The following DLG4 variants were observed in gnomAD, a reference collection of about 807,000 sequenced individuals.
DLG4 encodes disks large homolog 4.
DLG4 carries 7 observed loss-of-function variants against 93.8 expected under a neutral mutation model. The ratio of observed to expected loss-of-function variants is 0.07; its 90% CI spans 0.04 to 0.14. The LOEUF (loss-of-function observed/expected upper bound fraction) is 0.14. Ranked by LOEUF, DLG4 falls within the 10% of genes least tolerant of loss-of-function variation. The pLI, the probability that DLG4 is intolerant of heterozygous loss-of-function variation, is 1.00. For synonymous variants in DLG4, 341 were observed against 387.6 expected, an observed-to-expected ratio of 0.88 and a Z score of 1.41; for missense variants, 545 against 992.9, an observed-to-expected ratio of 0.55 and a Z score of 6.06.
At chr17:7,202,606 C>T in intron 8 of DLG4, 1 of 482,668 alleles carries the variant, frequency 2.1e-6, no homozygotes, top group Non-Finnish European at 3.7e-6. Flanking sequence ...AATCTTTTAT[C>T]TTTTCCTGTA....
intron 1 of DLG4, among the ~76,000 whole-genome samples, chr17:7,213,047 A>G (rs1384824191): frequency 1.3e-5 from 2 of 151,466 alleles, no homozygotes; most frequent in African/African-American, 4.9e-5. Context: ...ATTAATAATT[A>G]ATTAATTAAA....
At chr17:7,197,495 TG>T (rs1035985898) in intron 8 of DLG4, among the ~76,000 whole-genome samples, 7 of 151,882 alleles carry the variant, frequency 4.6e-5, no homozygotes, top group Admixed American at 2.6e-4. Context: ...GAAATTCTTT[TG>T]TTTTTTTGGG....
chr17:7,217,709 C>G (rs1310419631), upstream of DLG4: 1 of 1,533,860 alleles, frequency 6.5e-7, no homozygotes, highest in Non-Finnish European at 8.7e-7. Context: ...TCCTTCTGTG[C>G]TGGCAGGAAC....
At chr17:7,200,416 A>C (rs185572998) in intron 8 of DLG4, among the ~76,000 whole-genome samples, 207 of 152,194 alleles carry the variant, frequency 1.4e-3, no homozygotes, top group African/African-American at 4.7e-3. Flanking sequence ...TTTCTTGTCA[A>C]GTTTCTATTT....
At chr17:7,202,684 G>A (rs1351810461) in intron 8 of DLG4, 1 of 598,822 alleles carries the variant, frequency 1.7e-6, no homozygotes, top group African/African-American at 1.9e-5. Context: ...AACCAACCAG[G>A]CTTTGTGCCT....
At chr17:7,211,558 C>A in intron 1 of DLG4, 1 of 404,436 alleles carries the variant, frequency 2.5e-6, no homozygotes, top group Non-Finnish European at 3.3e-6. Context: ...AGACCCCGCA[C>A]CAAGCAGAAG....
intron 1 of DLG4, chr17:7,214,025 A>T: frequency 2.9e-6 from 1 of 346,274 alleles, no homozygotes; most frequent in Admixed American, 3.8e-5. Context: ...CCCATCCCCC[A>T]TTTCCCTTTT....
Position 7,190,347 on chromosome 17 carries a change from G to T in DLG4, c.*361C>A. The T allele has an allele frequency of 3.3e-6, 1 of 298,912 alleles. No homozygotes were observed. The highest frequency in any genetic ancestry group is 4.5e-5 in the South Asian group (1 of 22,114). The allele number at this position is 298,912 out of a possible 1,614,324, so 18.5% of individuals were successfully genotyped here. On this transcript the variant is annotated 3_prime_UTR_variant, in exon 20 of 20. Coordinates refer to ENST00000399506, the MANE Select transcript of DLG4 (RefSeq NM_001321075.3). ...CATCCCTGCAGCGGGTGCTCCTCGA[G>T]GGGGCCCTGACTTCTGGAATGTGTG...
At chr17:7,204,934 G>A (rs1437216035) in intron 2 of DLG4, 3 of 984,716 alleles carry the variant, frequency 3.0e-6, no homozygotes, top group South Asian at 4.7e-5. Flanking sequence ...GTCAAGACCC[G>A]GGGAGACCCA....
At chr17:7,217,978 G>A (rs992858294), upstream of DLG4, among the ~76,000 whole-genome samples, 7 of 151,924 alleles carry the variant, frequency 4.6e-5, no homozygotes, top group African/African-American at 1.2e-4. Flanking sequence ...TCTCCCTCAG[G>A]TTTCTCAGGG....
Position 7,217,370 on chromosome 17 carries a change from A to C in DLG4, c.-223T>G. The C allele has an allele frequency of 1.4e-5, 1 of 72,390 alleles. No individual in the cohort carries two copies. The highest frequency in any genetic ancestry group is 2.1e-5 in the Non-Finnish European group (1 of 46,612). The allele number at this position is 72,390 out of a possible 1,614,324, so 4.5% of individuals were successfully genotyped here. A position where few individuals can be genotyped will look rare whatever the true frequency, so the allele number is the denominator to read the frequency against. Reference sequence around the variant, plus strand: ...GGCCCTAAAAGGGGCTCCCCAGTGGAGGGGAGGGGGCTTGGGGAGCACACC... The same window carrying C: ...GGCCCTAAAAGGGGCTCCCCAGTGGCGGGGAGGGGGCTTGGGGAGCACACC... On this transcript the variant is annotated 5_prime_UTR_variant, in exon 1 of 20. Coordinates refer to ENST00000399506, the MANE Select transcript of DLG4 (RefSeq NM_001321075.3).
rs934542902 is a variant in DLG4 at position 7,193,403 on chromosome 17, T to G, written c.1693+80A>C. 7.3e-7 allele frequency: 1 copy of G among 1,371,992 alleles called. No individual in the cohort carries two copies. Among genetic ancestry groups the G allele is most frequent in the Non-Finnish European group, 9.8e-7 (1 of 1,021,734 alleles). 85.0% of individuals were successfully genotyped at this position (1,371,992 alleles called of 1,614,324 possible). A position where few individuals can be genotyped will look rare whatever the true frequency, so the allele number is the denominator to read the frequency against. On this transcript the variant is annotated intron_variant, in intron 16 of 19. Transcript: ENST00000399506. The surrounding 1 kb of genome is among the most constrained non-coding windows in gnomAD (Gnocchi z 6.7). ...TACACACCGATCCCCCAGGAGGCTC[T>G]GCCTATGGCCCCAGGGATGGGCCTC...
chr17:7,195,906 A>T lies in DLG4; in HGVS notation c.1301+314T>A, dbSNP rs1182586489. 6.6e-6 allele frequency among the ~76,000 whole-genome samples: 1 copy of T among 152,166 alleles called. No individual in the cohort carries two copies. Among genetic ancestry groups the T allele is most frequent in the African/African-American group, 2.4e-5 (1 of 41,438 alleles). On this transcript the variant is annotated intron_variant, in intron 11 of 19. Transcript: ENST00000399506. This position sits in a 1 kb window ranked among gnomAD's most constrained non-coding sequence, Gnocchi z 4.3. ...GGCAACACTCCAAATACCCTAGAGG[A>T]CCCTGCTTCACCAAGCATTAACCTT...
upstream of DLG4, chr17:7,218,895 G>A (rs751784585): frequency 7.5e-6 from 12 of 1,604,980 alleles, no homozygotes; most frequent in South Asian, 9.9e-5. Flanking sequence ...CAGGATTGGA[G>A]TTGAGCTGCT....
Position 7,196,292 on chromosome 17 carries a change from T to C in DLG4, c.1229A>G (p.Gln410Arg). The change falls in exon 11 of 20, where the codon CAG becomes CGG. Residue 410 changes from glutamine to arginine, a missense_variant. By Grantham distance (43) the Gln-to-Arg change is conservative. Coordinates refer to ENST00000399506, the MANE Select transcript of DLG4 (RefSeq NM_001321075.3). This position sits in a 1 kb window ranked among gnomAD's most constrained non-coding sequence, Gnocchi z 8.3. ...FEAKIHDLRE[Q>R]LMNSSLGSGT... ...TGAGCCCAGGCTGCTGTTCATGAGC[T>C]GTTCCCGAAGGTCGTGGATCTTGGC... 6.2e-7 allele frequency: 1 copy of C among 1,614,018 alleles called. No individual in the cohort carries two copies. The highest frequency in any genetic ancestry group is 8.5e-7 in the Non-Finnish European group (1 of 1,179,890).
Position 7,213,743 on chromosome 17 carries a change from G to C in DLG4, c.30+3375C>G, listed in dbSNP as rs149503825. ...CCCAGTGAGGGGTCTCCTCAAATCGGCTGACTTCTATAAAATGCCCATACA... is the reference window on the plus strand; with the variant it reads ...CCCAGTGAGGGGTCTCCTCAAATCGCCTGACTTCTATAAAATGCCCATACA... On this transcript the variant is annotated intron_variant, in intron 1 of 19. Coordinates refer to ENST00000399506, the MANE Select transcript of DLG4 (RefSeq NM_001321075.3). The C allele has an allele frequency of 6.2e-3, 2,910 of 470,722 alleles. 60 individuals are homozygous for C. Among genetic ancestry groups the C allele is most frequent in the African/African-American group, 0.048 (2,409 of 50,112 alleles). 29.2% of individuals were successfully genotyped at this position (470,722 alleles called of 1,614,324 possible).
At position 7,193,677 on chromosome 17, in the gene DLG4, C is replaced by T. The variant is rs765893870; in HGVS notation, c.1581G>A (p.Thr527=). The T allele has an allele frequency of 1.4e-5, 22 of 1,552,382 alleles. No homozygotes were observed. The highest frequency in any genetic ancestry group is 1.8e-5 in the Non-Finnish European group (21 of 1,149,544). The change falls in exon 15 of 20, where the codon ACG becomes ACA. Residue 527 remains threonine (T), a synonymous_variant. Coordinates refer to ENST00000399506, the MANE Select transcript of DLG4 (RefSeq NM_001321075.3). This position sits in a 1 kb window ranked among gnomAD's most constrained non-coding sequence, Gnocchi z 6.7. ...EDSVLSYETV[T]QMEVHYARPI... is the part of the protein sequence containing the mutation. ...GGGGCCAGGGCTCACCTTCCATCTG[C>T]GTCACTGTCTCGTAGCTCAGAACCG... is the stretch of plus-strand genomic sequence containing the variant.
chr17:7,196,823 G>C lies in DLG4; in HGVS notation c.1017C>G (p.Ser339=), dbSNP rs373780115. Residue 339 remains serine (S), a synonymous_variant, in exon 9 of 20, where the codon TCC becomes TCG. Coordinates refer to ENST00000399506, the MANE Select transcript of DLG4 (RefSeq NM_001321075.3). The surrounding 1 kb of genome is among the most constrained non-coding windows in gnomAD (Gnocchi z 8.3). Reference sequence around the variant, plus strand: ...CTGCAGGGCCCCCGGCCAGGATAAAGGAGATGAAGATGCCTTCACCGTCCT... The same window carrying C: ...CTGCAGGGCCCCCGGCCAGGATAAACGAGATGAAGATGCCTTCACCGTCCT... ...GGEDGEGIFI[S]FILAGGPADL... is the part of the protein sequence containing the mutation. The C allele has an allele frequency of 6.2e-7, 1 of 1,613,046 alleles. No individual in the cohort carries two copies. Among genetic ancestry groups the C allele is most frequent in the Non-Finnish European group, 8.5e-7 (1 of 1,179,608 alleles).
Position 7,203,655 on chromosome 17 carries a change from G to A in DLG4, c.335+37C>T. 1 of 1,612,292 alleles carries A rather than the reference G, an allele frequency of 6.2e-7. No homozygotes were observed. The highest frequency in any genetic ancestry group is 8.5e-7 in the Non-Finnish European group (1 of 1,178,558). ...CTGCTGCCCTGGCCCTCCCTCTCCAGGGACCAAGCAACCTAACCCCTGTCT... is the reference window on the plus strand; with the variant it reads ...CTGCTGCCCTGGCCCTCCCTCTCCAAGGACCAAGCAACCTAACCCCTGTCT... On this transcript the variant is annotated intron_variant, in intron 5 of 19. Transcript: ENST00000399506. This position sits in a 1 kb window ranked among gnomAD's most constrained non-coding sequence, Gnocchi z 7.2.
Sources: allele counts gnomAD v4.1 joint callset (sites outside exome capture counted in the v4.1 genomes callset), GRCh38; gene constraint gnomAD v4.1.1; non-coding constraint Gnocchi (gnomAD v3.1); transcripts MANE v1.5; gene names NCBI Gene and HGNC (gene_info 2026-07-23, HGNC 2026-07-21).